GABRG3: variants seen among roughly 807,000 people sequenced by gnomAD.
GABRG3 encodes gamma-aminobutyric acid receptor subunit gamma-3.
GABRG3 carries 25 observed loss-of-function variants against 48.8 expected under a neutral mutation model. The ratio of observed to expected loss-of-function variants is 0.51; its 90% CI spans 0.37 to 0.72. GABRG3 has a LOEUF of 0.72. GABRG3 is among the 30% of genes least tolerant of loss of function. The pLI is 0.00. For missense variants in GABRG3, 394 were observed against 577.9 expected (o/e 0.68, Z 3.26); for synonymous variants, 227 against 217.6 (o/e 1.04, Z -0.38).
intron 3 of GABRG3, among the ~76,000 whole-genome samples, chr15:27,308,661 TATA>T (rs1201767064): frequency 1.3e-5 from 2 of 149,072 alleles, no homozygotes; most frequent in Non-Finnish European, 3.0e-5. Context: ...TGTATAAACA[TATA>T]ATGTAAACAT....
intron 3 of GABRG3, among the ~76,000 whole-genome samples, chr15:27,203,037 CTGTTT>C (rs1223146976): frequency 2.6e-5 from 4 of 152,064 alleles, no homozygotes; most frequent in Admixed American, 2.6e-4. Context: ...CTATATGGAA[CTGTTT>C]TACCTTTCCA....
At chr15:27,341,219 T>C (rs762557211) in intron 5 of GABRG3, among the ~76,000 whole-genome samples, 28 of 152,208 alleles carry the variant, frequency 1.8e-4, no homozygotes, top group African/African-American at 6.5e-4. Flanking sequence ...TTTTTTGTGA[T>C]AGAAATATTA....
chr15:27,316,367 G>A (rs1487986139), intron 3 of GABRG3, among the ~76,000 whole-genome samples: 4 of 123,692 alleles, frequency 3.2e-5, no homozygotes, highest in Non-Finnish European at 6.3e-5. Context: ...CAGCCTGGGC[G>A]ACAGAGCGAG....
chr15:27,465,209 C>G (rs1236671987), intron 5 of GABRG3, among the ~76,000 whole-genome samples: 3 of 152,162 alleles, frequency 2.0e-5, no homozygotes, highest in Non-Finnish European at 4.4e-5. Context: ...CATTTTTCTC[C>G]CATTTGATGG....
At chr15:26,977,260 G>T (rs897486844) in intron 2 of GABRG3, 110 bp downstream of exon 2, 8 of 1,157,662 alleles carry the variant, frequency 6.9e-6, no homozygotes, top group Non-Finnish European at 9.8e-6. Flanking sequence ...AGTGCAGAAA[G>T]GTTTCCTGTA....
At chr15:27,055,228 G>A (rs1896525324) in intron 3 of GABRG3, among the ~76,000 whole-genome samples, 1 of 152,084 alleles carries the variant, frequency 6.6e-6, no homozygotes, top group African/African-American at 2.4e-5. Context: ...TCCCGCACCG[G>A]AGCAGCTTGC....
intron 2 of GABRG3, among the ~76,000 whole-genome samples, chr15:27,008,547 G>A (rs184730663): frequency 1.6e-4 from 24 of 152,290 alleles, no homozygotes; most frequent in African/African-American, 5.3e-4. Context: ...AAGTTGGCAG[G>A]CCTGTGTGGC....
rs541437305 is a variant in GABRG3, at chr15:27,111,912, G to GAGT, written c.270+85094_270+85096dup. On this transcript the variant is annotated intron_variant, in intron 3 of 9. Coordinates refer to ENST00000615808, the MANE Select transcript of GABRG3 (RefSeq NM_033223.5). ...CTCTTGCAAAGTGATTTCCCCAGGA[G>GAGT]AGTAGGCCTTTTCATGGAGAAGGTT... is the stretch of plus-strand genomic sequence containing the variant. Among the ~76,000 whole-genome samples, 87 of 152,104 alleles carry GAGT rather than the reference G, an allele frequency of 5.7e-4. 4 individuals are homozygous for GAGT. The South Asian group carries it at 0.018, about 32-fold the overall frequency.
chr15:27,512,484 C>A (rs1398862148), intron 6 of GABRG3, among the ~76,000 whole-genome samples: 1 of 152,160 alleles, frequency 6.6e-6, no homozygotes, highest in Non-Finnish European at 1.5e-5. Flanking sequence ...GCAGGACTCA[C>A]GTGGCCTGTT....
rs936924096 is a variant in GABRG3, at chr15:27,537,158, C to G, written c.*4277C>G. ...AAAAAAAAAAAAAGAATGGCTTAAG[C>G]TCCACATAATCTGATGTAAATATAC... On this transcript the variant is annotated 3_prime_UTR_variant, in exon 10 of 10. Transcript: ENST00000615808. 6.6e-6 allele frequency: 1 copy of G among 150,948 alleles called. No individual in the cohort carries two copies. Among genetic ancestry groups the G allele is most frequent in the Admixed American group, 6.6e-5 (1 of 15,150 alleles). The allele number at this position is 150,948 out of a possible 1,614,324, so 9.4% of individuals were successfully genotyped here.
chr15:27,311,174 G>C (rs1892979626), intron 3 of GABRG3, among the ~76,000 whole-genome samples: 1 of 152,102 alleles, frequency 6.6e-6, no homozygotes, highest in African/African-American at 2.4e-5. Context: ...ACAAAGCATG[G>C]ACAAATTTCC....
chr15:27,431,178 A>G (rs1456568808), intron 5 of GABRG3, among the ~76,000 whole-genome samples: 3 of 151,940 alleles, frequency 2.0e-5, no homozygotes, highest in East Asian at 3.9e-4. Flanking sequence ...GAGTCCTCCA[A>G]TGTTATTTTT....
At chr15:27,102,705 C>T (rs1897382044) in intron 3 of GABRG3, among the ~76,000 whole-genome samples, 1 of 152,094 alleles carries the variant, frequency 6.6e-6, no homozygotes, top group Admixed American at 6.6e-5. Flanking sequence ...ACAGTATTTC[C>T]ACCATATAAT....
At chr15:27,055,504 G>C (rs1275888761) in intron 3 of GABRG3, among the ~76,000 whole-genome samples, 1 of 152,116 alleles carries the variant, frequency 6.6e-6, no homozygotes, top group African/African-American at 2.4e-5. Context: ...GACCTAATGC[G>C]ACAAATAGAA....
chr15:27,121,595 C>A (rs1046508221), intron 3 of GABRG3, among the ~76,000 whole-genome samples: 2 of 152,186 alleles, frequency 1.3e-5, no homozygotes, highest in African/African-American at 4.8e-5. Context: ...ATGCTGTGCA[C>A]CCCTCTAAAT....
At chr15:27,035,821 G>A (rs7171954) in intron 3 of GABRG3, among the ~76,000 whole-genome samples, 31,185 of 152,150 alleles carry the variant, frequency 0.2, 3,397 homozygotes, top group Middle Eastern at 0.23. Flanking sequence ...GGAGAATGGC[G>A]GTGGGGGCTG....
rs534368392 is a variant in GABRG3 at position 27,165,687 on chromosome 15, C to T, written c.270+138866C>T. Among the ~76,000 whole-genome samples, 12 of 152,062 alleles carry T rather than the reference C, an allele frequency of 7.9e-5. No homozygotes were observed. In the South Asian group the frequency reaches 2.3e-3, roughly 29 times the overall value. ...TTCCTCACACAATAATTTAAGTCTG[C>T]CATGCACATGTCATGCCTGTGAAAA... On this transcript the variant is annotated intron_variant, in intron 3 of 9. Coordinates refer to ENST00000615808, the MANE Select transcript of GABRG3 (RefSeq NM_033223.5).
intron 3 of GABRG3, among the ~76,000 whole-genome samples, chr15:27,142,151 A>G (rs1898115421): frequency 6.6e-6 from 1 of 152,204 alleles, no homozygotes; most frequent in African/African-American, 2.4e-5. Flanking sequence ...CATTATATAA[A>G]ATCTGTATAA....
At chr15:27,309,417 C>T (rs1275748628) in intron 3 of GABRG3, among the ~76,000 whole-genome samples, 1 of 151,664 alleles carries the variant, frequency 6.6e-6, no homozygotes, top group Non-Finnish European at 1.5e-5. Context: ...GAGGGACTAG[C>T]CTATGCAAAT....
Sources: allele counts gnomAD v4.1 joint callset (sites outside exome capture counted in the v4.1 genomes callset), GRCh38; gene constraint gnomAD v4.1.1; transcripts MANE v1.5; gene names NCBI Gene and HGNC (gene_info 2026-07-23, HGNC 2026-07-21).